NBDY: variants seen among roughly 807,000 people sequenced by gnomAD.
NBDY encodes negative regulator of P-body association, also known as P-body dissociating protein.
intron 2 of NBDY, among the ~76,000 whole-genome samples, chrX:56,760,017 C>T (rs1335255277): frequency 8.9e-6 from 1 of 112,726 alleles, no homozygotes; most frequent in Non-Finnish European, 1.9e-5. Context: ...AGTGGCTTCC[C>T]TTATGCCCAT....
intron 2 of NBDY, among the ~76,000 whole-genome samples, chrX:56,781,548 C>T (rs929920169): frequency 8.9e-6 from 1 of 112,259 alleles, no homozygotes; most frequent in African/African-American, 3.2e-5. Context: ...ATATGATGAA[C>T]TCTGCTTTCC....
intron 2 of NBDY, among the ~76,000 whole-genome samples, chrX:56,807,476 C>A (rs2069858357): frequency 9.0e-6 from 1 of 111,368 alleles, no homozygotes; most frequent in African/African-American, 3.3e-5. Flanking sequence ...TTGTTTGTGT[C>A]CTCTTTTATT....
intron 2 of NBDY, among the ~76,000 whole-genome samples, chrX:56,758,629 C>A (rs1451115919): frequency 1.8e-5 from 2 of 111,808 alleles, no homozygotes; most frequent in African/African-American, 3.3e-5. Flanking sequence ...CTAGTTAGTA[C>A]CCCCGGCATC....
chrX:56,781,453 G>T (rs892765166), intron 2 of NBDY, among the ~76,000 whole-genome samples: 8 of 111,663 alleles, frequency 7.2e-5, no homozygotes, highest in African/African-American at 2.6e-4. Flanking sequence ...ACAGACCCGG[G>T]ATTTAGGGGC....
At chrX:56,810,550 T>G (rs890699268) in intron 2 of NBDY, among the ~76,000 whole-genome samples, 5 of 109,771 alleles carry the variant, frequency 4.6e-5, no homozygotes, top group Non-Finnish European at 5.7e-5. Flanking sequence ...CAGCTATTGA[T>G]ACCTGTGTAT....
chrX:56,749,454 G>C (rs1017979105), intron 2 of NBDY, among the ~76,000 whole-genome samples: 2 of 110,914 alleles, frequency 1.8e-5, no homozygotes, highest in African/African-American at 6.6e-5. Context: ...CCTTTGTTTT[G>C]TTCAGAATCT....
intron 2 of NBDY, among the ~76,000 whole-genome samples, chrX:56,791,498 C>T (rs1333156486): frequency 9.0e-6 from 1 of 111,729 alleles, no homozygotes; most frequent in Non-Finnish European, 1.9e-5. Context: ...TGATGACATT[C>T]TCAGGGCAAT....
chrX:56,781,854 C>T (rs2146727848), intron 2 of NBDY, among the ~76,000 whole-genome samples: 1 of 111,782 alleles, frequency 8.9e-6, no homozygotes, highest in South Asian at 3.8e-4. Context: ...ACCTCTTTTC[C>T]CTGGTGTCCG....
At chrX:56,748,972 AC>A (rs978867424) in intron 2 of NBDY, among the ~76,000 whole-genome samples, 1 of 108,245 alleles carries the variant, frequency 9.2e-6, no homozygotes, top group African/African-American at 3.4e-5. Flanking sequence ...AGTTTTATTG[AC>A]TTAAAGTAAC....
chrX:56,799,588 C>A (rs1028841068), intron 2 of NBDY, among the ~76,000 whole-genome samples: 1 of 113,360 alleles, frequency 8.8e-6, no homozygotes, highest in African/African-American at 3.2e-5. Context: ...CCTGGCACAT[C>A]CTCGCTGATA....
At chrX:56,812,080 C>A (rs975165422) in intron 2 of NBDY, among the ~76,000 whole-genome samples, 2 of 111,114 alleles carry the variant, frequency 1.8e-5, no homozygotes, top group African/African-American at 6.6e-5. Flanking sequence ...TTGGGCTGCA[C>A]CCACTATCCA....
At chrX:56,730,339 C>A (rs1350503922) in intron 1 of NBDY, among the ~76,000 whole-genome samples, 3 of 104,866 alleles carry the variant, frequency 2.9e-5, no homozygotes, top group African/African-American at 1.0e-4. Flanking sequence ...GGTGAAACCC[C>A]GTCTCTACTA....
intron 2 of NBDY, among the ~76,000 whole-genome samples, chrX:56,734,191 C>T (rs749115955): frequency 1.8e-5 from 2 of 111,558 alleles, no homozygotes; most frequent in Admixed American, 9.5e-5. Flanking sequence ...ATATTCAGAC[C>T]GTGATAACTC....
intron 2 of NBDY, among the ~76,000 whole-genome samples, chrX:56,805,527 T>G (rs779262808): frequency 8.7e-4 from 98 of 112,386 alleles, no homozygotes; most frequent in Middle Eastern, 4.6e-3. Flanking sequence ...TTCATCTTTC[T>G]TGTCCCTATC....
At chrX:56,739,258 A>ATATATATATATGTATG (rs1329028806) in intron 2 of NBDY, among the ~76,000 whole-genome samples, 2 of 81,647 alleles carry the variant, frequency 2.4e-5, no homozygotes, top group African/African-American at 1.0e-4. Context: ...ATATATATAT[A>ATATATATATATGTATG]TATATGTATG....
At chrX:56,765,381 C>T (rs780477492) in intron 2 of NBDY, among the ~76,000 whole-genome samples, 1 of 112,601 alleles carries the variant, frequency 8.9e-6, no homozygotes, top group African/African-American at 3.2e-5. Context: ...TTGCAGTCAG[C>T]TGATGACATC....
At chrX:56,810,770 C>A (rs2069882083) in intron 2 of NBDY, among the ~76,000 whole-genome samples, 1 of 110,919 alleles carries the variant, frequency 9.0e-6, no homozygotes, top group Admixed American at 9.7e-5. Flanking sequence ...CCAACTCATT[C>A]TCTGTCCAGT....
Position 56,744,312 on chromosome X carries a change from A to G in NBDY, c.*166+12113A>G, listed in dbSNP as rs191938404. On this transcript the variant is annotated intron_variant, in intron 2 of 2. Transcript: ENST00000374922. The stretch of plus-strand genomic sequence containing the variant: ...AGAATGTATATTCTGCAGCCGTTGG[A>G]TGAAATGTTCTGTAAATATCTGTTA... 3.7e-3 allele frequency among the ~76,000 whole-genome samples: 413 copies of G among 111,680 alleles called. 2 individuals are homozygous for G. Among genetic ancestry groups the G allele is most frequent in the Non-Finnish European group, 5.8e-3 (306 of 52,965 alleles).
intron 2 of NBDY, among the ~76,000 whole-genome samples, chrX:56,742,006 GTGTA>G (rs1368511380): frequency 9.0e-6 from 1 of 111,551 alleles, no homozygotes; most frequent in East Asian, 2.8e-4. Flanking sequence ...TTTGATTTTT[GTGTA>G]TGGCAAAAGA....
Sources: allele counts gnomAD v4.1 joint callset (sites outside exome capture counted in the v4.1 genomes callset), GRCh38; gene constraint gnomAD v4.1.1; transcripts MANE v1.5; gene names NCBI Gene and HGNC (gene_info 2026-07-23, HGNC 2026-07-21).